PIAS1: variants seen among roughly 807,000 people sequenced by gnomAD.
PIAS1 encodes the protein protein inhibitor of activated STAT 1.
In PIAS1, 6 loss-of-function variants were observed where a neutral mutation model predicts 71.3. The observed-to-expected ratio is 0.08, with a 90% CI of 0.05 to 0.17. The LOEUF (loss-of-function observed/expected upper bound fraction) is 0.17. Ranked by LOEUF, PIAS1 falls within the 10% of genes least tolerant of loss-of-function variation. The probability of loss-of-function intolerance (pLI) is 1.00; values close to 1 mark genes in which losing one functional copy is unlikely to be tolerated. For missense variants in PIAS1, 555 were observed against 793.6 expected (o/e 0.70, Z 3.61); for synonymous variants, 303 against 292.9 (o/e 1.03, Z -0.35).
At chr15:68,058,963 T>G (rs2091926480) in intron 1 of PIAS1, among the ~76,000 whole-genome samples, 1 of 152,084 alleles carries the variant, frequency 6.6e-6, no homozygotes, top group African/African-American at 2.4e-5. Flanking sequence ...AACCTTACAT[T>G]GTGTTTTATT....
intron 10 of PIAS1, 47 bp downstream of exon 10, chr15:68,175,814 G>A: frequency 7.3e-7 from 1 of 1,373,300 alleles, no homozygotes; most frequent in Non-Finnish European, 9.7e-7. Context: ...ACTGCTCTAA[G>A]TCTGGTTTTC....
At chr15:68,057,367 G>A in intron 1 of PIAS1, 5 of 328,652 alleles carry the variant, frequency 1.5e-5, no homozygotes, top group South Asian at 1.0e-4. Context: ...GATGATCTTG[G>A]TAGTTAATAA....
rs867931091 is a variant in PIAS1, at chr15:68,173,757, C to T, written c.1034C>T (p.Pro345Leu). 6.4e-7 allele frequency: 1 copy of T among 1,550,552 alleles called. No homozygotes were observed. Among genetic ancestry groups the T allele is most frequent in the Non-Finnish European group, 8.8e-7 (1 of 1,139,872 alleles). Reference sequence around the variant, plus strand: ...CTTGGTAAAATGCGGCTGACAATTCCGTGTCGGGCCCTTACATGTTCTCAT... The same window carrying T: ...CTTGGTAAAATGCGGCTGACAATTCTGTGTCGGGCCCTTACATGTTCTCAT... Reference protein sequence around the residue: ...CPLGKMRLTIPCRALTCSHLQ... With the variant: ...CPLGKMRLTILCRALTCSHLQ... The change falls in exon 9 of 14, where the codon CCG becomes CTG. Residue 345 changes from proline (P) to leucine (L), a missense_variant. By Grantham distance (98) the Pro-to-Leu change is moderately conservative (BLOSUM62 -3). Around this residue, in one of 5 missense-constraint regions of PIAS1, gnomAD observed 49 missense variants for 129.2 expected, o/e 0.38. Transcript: ENST00000249636. This position sits in a 1 kb window ranked among gnomAD's most constrained non-coding sequence, Gnocchi z 4.3.
intron 1 of PIAS1, among the ~76,000 whole-genome samples, chr15:68,064,093 C>T (rs1439502793): frequency 1.3e-5 from 2 of 152,000 alleles, no homozygotes; most frequent in African/African-American, 2.4e-5. Flanking sequence ...AGAACTTGTG[C>T]AGTTGAGTTG....
intron 2 of PIAS1, among the ~76,000 whole-genome samples, chr15:68,131,671 G>A (rs971598099): frequency 2.0e-5 from 3 of 152,106 alleles, no homozygotes; most frequent in Non-Finnish European, 4.4e-5. Context: ...TGTCACAAAT[G>A]ACAGAATCTC....
chr15:68,115,214 G>A (rs1368298514), intron 2 of PIAS1, among the ~76,000 whole-genome samples: 2 of 152,110 alleles, frequency 1.3e-5, no homozygotes, highest in Non-Finnish European at 2.9e-5. Context: ...GCTTTATGTG[G>A]ACATATGTTT....
At chr15:68,140,578 C>G (rs924453154) in intron 2 of PIAS1, among the ~76,000 whole-genome samples, 1 of 152,154 alleles carries the variant, frequency 6.6e-6, no homozygotes, top group Non-Finnish European at 1.5e-5. Context: ...AAGCAGAAAG[C>G]AAACCTAGCC....
Position 68,086,639 on chromosome 15 carries a change from C to G in PIAS1, c.358C>G (p.Leu120Val). The change falls in exon 2 of 14, where the codon CTG becomes GTG. Residue 120 changes from leucine (L) to valine (V), a missense_variant. Physicochemically the swap from Leu to Val is conservative, Grantham distance 32. This residue lies in a region of PIAS1 where 80 missense variants were observed against 66.9 expected (regional missense o/e 1.20). Transcript: ENST00000249636. The surrounding 1 kb of genome is among the most constrained non-coding windows in gnomAD (Gnocchi z 7.2). ...TTCTCTTCTGGGACCTAAACATGAA[C>G]TGGAACTCCCACATCTTACATCAGC... The part of the protein sequence containing the change: ...PVSLLGPKHE[L>V]ELPHLTSALH... 6.2e-7 allele frequency: 1 copy of G among 1,613,078 alleles called. No individual in the cohort carries two copies. The highest frequency in any genetic ancestry group is 8.5e-7 in the Non-Finnish European group (1 of 1,179,034).
intron 7 of PIAS1, among the ~76,000 whole-genome samples, chr15:68,156,243 G>C (rs2092888405): frequency 6.6e-6 from 1 of 152,210 alleles, no homozygotes; most frequent in Non-Finnish European, 1.5e-5. Flanking sequence ...GTTTTGACAT[G>C]TGCCTTGAAG....
intron 2 of PIAS1, among the ~76,000 whole-genome samples, chr15:68,137,714 T>C (rs2092743172): frequency 6.6e-6 from 1 of 152,206 alleles, no homozygotes; most frequent in East Asian, 1.9e-4. Flanking sequence ...TGAAAAATGG[T>C]CTGATAACAT....
rs188656412 is a variant in PIAS1 at position 68,065,595 on chromosome 15, A to G, written c.24+11245A>G. On this transcript the variant is annotated intron_variant, in intron 1 of 13. Transcript: ENST00000249636. ...AGTGAGACCCTGTCTCGAGAAAAAA[A>G]AAAAAAAAGAAAAAATTTATTTCTA... 6.1e-3 allele frequency among the ~76,000 whole-genome samples: 918 copies of G among 151,714 alleles called. 4 individuals are homozygous for G. The highest frequency in any genetic ancestry group is 0.032 in the East Asian group (163 of 5,170).
chr15:68,176,607 G>A lies in PIAS1; in HGVS notation c.1434G>A (p.Lys478=). 6.2e-7 allele frequency: 1 copy of A among 1,612,354 alleles called. No individual in the cohort carries two copies. Among genetic ancestry groups the A allele is most frequent in the Non-Finnish European group, 8.5e-7 (1 of 1,179,168 alleles). ...SDEEEEEPSA[K]RTCPSLSPTS... ...AAGAGGAAGAAGAGCCATCTGCCAA[G>A]AGGACCTGTCCTTCCCTATCTCCCA... The change falls in exon 11 of 14, where the codon AAG becomes AAA. Residue 478 remains lysine (K), a synonymous_variant. Transcript: ENST00000249636.
rs1397405511 is a variant in PIAS1, at chr15:68,171,366, G to A, written c.1009-2366G>A. Among the ~76,000 whole-genome samples, 2 of 151,854 alleles carry A rather than the reference G, an allele frequency of 1.3e-5. No individual in the cohort carries two copies. Among genetic ancestry groups the A allele is most frequent in the Non-Finnish European group, 1.5e-5 (1 of 67,920 alleles). ...TTTAAAATATATATAAGTAAAGGGA[G>A]TACACTCCAAAATAATGATAAAAAG... is the stretch of plus-strand genomic sequence containing the variant. On this transcript the variant is annotated intron_variant, in intron 8 of 13. Coordinates refer to ENST00000249636, the MANE Select transcript of PIAS1 (RefSeq NM_016166.3). This position sits in a 1 kb window ranked among gnomAD's most constrained non-coding sequence, Gnocchi z 4.4.
chr15:68,131,088 C>CG (rs2092685127), intron 2 of PIAS1, among the ~76,000 whole-genome samples: 1 of 152,030 alleles, frequency 6.6e-6, no homozygotes, highest in African/African-American at 2.4e-5. Context: ...GGTAAGCACG[C>CG]GGACTTCTGA....
At position 68,189,232 on chromosome 15, in the gene PIAS1, A is replaced by G. The variant is rs1486419688; in HGVS notation, c.*1397A>G. On this transcript the variant is annotated 3_prime_UTR_variant, in exon 14 of 14. Transcript: ENST00000249636. Reference sequence around the variant, plus strand: ...GAAATATGAGTTGGAGGGAAGGAAAAGTGGTTCTACTAATGTTCCAAAATC... The same window carrying G: ...GAAATATGAGTTGGAGGGAAGGAAAGGTGGTTCTACTAATGTTCCAAAATC... 6.6e-6 allele frequency: 1 copy of G among 152,204 alleles called. No homozygotes were observed. The allele number at this position is 152,204 out of a possible 1,614,324, so 9.4% of individuals were successfully genotyped here.
At chr15:68,126,151 TCTTTA>T (rs2092649063) in intron 2 of PIAS1, among the ~76,000 whole-genome samples, 2 of 152,224 alleles carry the variant, frequency 1.3e-5, no homozygotes, top group African/African-American at 2.4e-5. Flanking sequence ...GGAAACTTGT[TCTTTA>T]CTTGTAGGAA....
chr15:68,130,046 GA>G (rs1347500045), intron 2 of PIAS1, among the ~76,000 whole-genome samples: 4 of 151,914 alleles, frequency 2.6e-5, no homozygotes, highest in East Asian at 1.9e-4. Context: ...TGTTCATTTT[GA>G]GGGGGGGAAG....
chr15:68,076,290 C>A (rs1308590999), intron 1 of PIAS1, among the ~76,000 whole-genome samples: 2 of 152,074 alleles, frequency 1.3e-5, no homozygotes, highest in East Asian at 3.9e-4. Flanking sequence ...GTGGGTGGAT[C>A]ATGTCAGGAG....
chr15:68,131,278 TA>T (rs1205433892), intron 2 of PIAS1, among the ~76,000 whole-genome samples: 2 of 152,302 alleles, frequency 1.3e-5, no homozygotes, highest in Non-Finnish European at 2.9e-5. Context: ...TATAGATGTA[TA>T]TATTTATGGG....
Sources: allele counts gnomAD v4.1 joint callset (sites outside exome capture counted in the v4.1 genomes callset), GRCh38; gene constraint gnomAD v4.1.1; regional missense constraint gnomAD v4.1.1; non-coding constraint Gnocchi (gnomAD v3.1); transcripts MANE v1.5; gene names NCBI Gene and HGNC (gene_info 2026-07-23, HGNC 2026-07-21).